The following ATP4A variants were observed in gnomAD, a reference collection of about 807,000 sequenced individuals.
The protein encoded by ATP4A is potassium-transporting ATPase alpha chain 1.
ATP4A carries 73 observed loss-of-function variants against 112.1 expected under a neutral mutation model. The observed-to-expected ratio is 0.65, with a 90% CI of 0.54 to 0.79. ATP4A has a LOEUF of 0.79. Ranked by LOEUF, ATP4A falls within the 30% of genes least tolerant of loss-of-function variation. The pLI, the probability that ATP4A is intolerant of heterozygous loss-of-function variation, is 0.00. For synonymous variants in ATP4A, 588 were observed against 588.9 expected, an observed-to-expected ratio of 1.00 and a Z score of 0.02; for missense variants, 1,081 against 1,425.9, an observed-to-expected ratio of 0.76 and a Z score of 3.90.
Position 35,558,844 on chromosome 19 carries a change from CCCT to C in ATP4A, c.1255+146_1255+148del. 1 of 1,255,330 alleles carries C rather than the reference CCCT, an allele frequency of 8.0e-7. No homozygotes were observed. Among genetic ancestry groups the C allele is most frequent in the Non-Finnish European group, 1.1e-6 (1 of 909,496 alleles). 77.8% of individuals were successfully genotyped at this position (1,255,330 alleles called of 1,614,324 possible). A position where few individuals can be genotyped will look rare whatever the true frequency, so the allele number is the denominator to read the frequency against. ...GGGACCCAGCCCCCGGATGACCCTTCCCTCTAGACCCGGTAGCGAGTCTCCTTT... is the reference window on the plus strand; with the variant it reads ...GGGACCCAGCCCCCGGATGACCCTTCCTAGACCCGGTAGCGAGTCTCCTTT... On this transcript the variant is annotated intron_variant, in intron 8 of 21. Coordinates refer to ENST00000262623, the MANE Select transcript of ATP4A (RefSeq NM_000704.3). The surrounding 1 kb of genome is among the most constrained non-coding windows in gnomAD (Gnocchi z 5.1).
In ATP4A at chr19:35,558,580, G is replaced by A; in HGVS notation, c.1362C>T (p.Pro454=). The A allele has an allele frequency of 6.2e-7, 1 of 1,602,932 alleles. No individual in the cohort carries two copies. The highest frequency in any genetic ancestry group is 2.3e-5 in the East Asian group (1 of 44,428). ...CTGGAGGCCCCCTGGCTCTCACCTT[G>A]GGCACAGGCACTGCATCCTGGCCGG... ...FKSGQDAVPV[P]KRIVIGDASE... The change falls in exon 9 of 22, where the codon CCC becomes CCT. Residue 454 remains proline, a synonymous_variant. Transcript: ENST00000262623. This position sits in a 1 kb window ranked among gnomAD's most constrained non-coding sequence, Gnocchi z 5.1.
Position 35,558,441 on chromosome 19 carries a change from G to C in ATP4A, c.1421C>G (p.Thr474Arg). The C allele has an allele frequency of 6.2e-7, 1 of 1,605,724 alleles. No homozygotes were observed. The highest frequency in any genetic ancestry group is 8.5e-7 in the Non-Finnish European group (1 of 1,176,608). The change falls in exon 10 of 22, where the codon ACG becomes AGG. Residue 474 changes from threonine (T) to arginine (R), a missense_variant. Physicochemically the swap from Thr to Arg is moderately conservative, Grantham distance 71. Coordinates refer to ENST00000262623, the MANE Select transcript of ATP4A (RefSeq NM_000704.3). The surrounding 1 kb of genome is among the most constrained non-coding windows in gnomAD (Gnocchi z 5.1). ...ETALLKFSEL[T>R]LGNAMGYRDR... ...CCGGTAGCCCATGGCGTTGCCCAGCGTCAGCTCCGAGAACTTGAGCAGCGC... is the reference window on the plus strand; with the variant it reads ...CCGGTAGCCCATGGCGTTGCCCAGCCTCAGCTCCGAGAACTTGAGCAGCGC...
rs375301898 is a variant in ATP4A, at chr19:35,554,984, C to T, written c.2419G>A (p.Val807Ile). The T allele has an allele frequency of 9.9e-6, 16 of 1,613,988 alleles. 1 individual carries two copies. The highest frequency in any genetic ancestry group is 1.6e-4 in the Middle Eastern group (1 of 6,084). The stretch of plus-strand genomic sequence containing the variant: ...CACCCGAGGGGCAGGGGCACGCTGA[C>T]GGTGATGTAGATGAGGTAGGGTGTC... ...ELTPYLIYIT[V>I]SVPLPLGCIT... Residue 807 changes from valine to isoleucine, a missense_variant, in exon 16 of 22, where the codon GTC (valine) becomes ATC (isoleucine). Physicochemically the swap from Val to Ile is conservative, Grantham distance 29. Around this residue, in one of 3 missense-constraint regions of ATP4A, gnomAD observed 219 missense variants for 320.9 expected, o/e 0.68. Transcript: ENST00000262623.
At position 35,558,553 on chromosome 19, in the gene ATP4A, C is replaced by A; in HGVS notation, c.1365+24G>T. The A allele has an allele frequency of 6.3e-7, 1 of 1,592,812 alleles. No homozygotes were observed. Among genetic ancestry groups the A allele is most frequent in the Non-Finnish European group, 8.5e-7 (1 of 1,170,480 alleles). On this transcript the variant is annotated intron_variant, in intron 9 of 21. Transcript: ENST00000262623. This position sits in a 1 kb window ranked among gnomAD's most constrained non-coding sequence, Gnocchi z 5.1. ...CCGGCTACACCAGCCTCCCGGGATTCCCTGGAGGCCCCCTGGCTCTCACCT... is the reference window on the plus strand; with the variant it reads ...CCGGCTACACCAGCCTCCCGGGATTACCTGGAGGCCCCCTGGCTCTCACCT...
At position 35,550,856 on chromosome 19, in the gene ATP4A, A is replaced by C. The variant is rs185924462; in HGVS notation, c.3057T>G (p.Leu1019=). The C allele has an allele frequency of 4.3e-6, 7 of 1,614,192 alleles. No individual in the cohort carries two copies. In the Admixed American group the frequency reaches 1.0e-4, roughly 23 times the overall value. The change falls in exon 21 of 22, where the codon CTT becomes CTG. Residue 1019 remains leucine, a synonymous_variant. Coordinates refer to ENST00000262623, the MANE Select transcript of ATP4A (RefSeq NM_000704.3). The surrounding 1 kb of genome is among the most constrained non-coding windows in gnomAD (Gnocchi z 4.1). ...LIFVYDEIRK[L]GVRCCPGSWW... ...CACTCCCTGGGCAACAGCGAACTCC[A>C]AGCTTCCGGATCTCATCATAGACGA... is the stretch of plus-strand genomic sequence containing the variant.
rs371859055 is a variant in ATP4A, at chr19:35,550,665, G to A, written c.3080-22C>T. The A allele has an allele frequency of 1.8e-5, 29 of 1,613,714 alleles. No individual in the cohort carries two copies. In the African/African-American group the frequency reaches 3.3e-4, roughly 19 times the overall value. On this transcript the variant is annotated intron_variant, in intron 21 of 21. Coordinates refer to ENST00000262623, the MANE Select transcript of ATP4A (RefSeq NM_000704.3). The surrounding 1 kb of genome is among the most constrained non-coding windows in gnomAD (Gnocchi z 4.1). ...CAGCCTGGGAGAGAGAGGGAGAAAG[G>A]AGACTCAGTGCTGGGGGTGCCACTT... is the stretch of plus-strand genomic sequence containing the variant.
chr19:35,559,743 G>A lies in ATP4A; in HGVS notation c.1056+62C>T. ...AGGGAGGTGATGGGGGAAATGTGGAGGAAAGAACAGATGGTTGAGCAGGCC... is the reference window on the plus strand; with the variant it reads ...AGGGAGGTGATGGGGGAAATGTGGAAGAAAGAACAGATGGTTGAGCAGGCC... On this transcript the variant is annotated intron_variant, in intron 7 of 21. Transcript: ENST00000262623. The surrounding 1 kb of genome is among the most constrained non-coding windows in gnomAD (Gnocchi z 4.1). The A allele has an allele frequency of 6.3e-7, 1 of 1,579,988 alleles. No homozygotes were observed. The highest frequency in any genetic ancestry group is 8.6e-7 in the Non-Finnish European group (1 of 1,161,686).
At position 35,557,791 on chromosome 19, in the gene ATP4A, C is replaced by T. The variant is rs751628631; in HGVS notation, c.1557G>A (p.Lys519=). The T allele has an allele frequency of 6.3e-7, 1 of 1,578,296 alleles. No individual in the cohort carries two copies. The highest frequency in any genetic ancestry group is 2.3e-5 in the East Asian group (1 of 43,112). ...PRDPRHLLVM[K]GAPERVLERC... ...GCTCCAGCACGCGCTCGGGGGCGCCCTTCATCACCAGCAAGTGTCGCGGGT... is the reference window on the plus strand; with the variant it reads ...GCTCCAGCACGCGCTCGGGGGCGCCTTTCATCACCAGCAAGTGTCGCGGGT... The change falls in exon 11 of 22, where the codon AAG becomes AAA. Residue 519 remains lysine (K), a synonymous_variant. Coordinates refer to ENST00000262623, the MANE Select transcript of ATP4A (RefSeq NM_000704.3). The surrounding 1 kb of genome is among the most constrained non-coding windows in gnomAD (Gnocchi z 4.4).
In ATP4A at chr19:35,560,212, G is replaced by T; in HGVS notation, c.788-139C>A. The T allele has an allele frequency of 2.6e-6, 4 of 1,521,384 alleles. No individual in the cohort carries two copies. The South Asian group carries it at 5.0e-5, about 19-fold the overall frequency. The allele number at this position is 1,521,384 out of a possible 1,614,324, so 94.2% of individuals were successfully genotyped here. ...GGTAGTGACAGTGGGAGACAGAGAA[G>T]CAGTGTGCCCTGGGGAGGTGGCAGT... On this transcript the variant is annotated intron_variant, in intron 6 of 21. Transcript: ENST00000262623. This position sits in a 1 kb window ranked among gnomAD's most constrained non-coding sequence, Gnocchi z 5.1.
At position 35,551,939 on chromosome 19, in the gene ATP4A, G is replaced by A. The variant is rs1347478413; in HGVS notation, c.2752-359C>T. Among the ~76,000 whole-genome samples the A allele has an allele frequency of 6.6e-6, 1 of 152,220 alleles. No individual in the cohort carries two copies. Among genetic ancestry groups the A allele is most frequent in the Non-Finnish European group, 1.5e-5 (1 of 68,032 alleles). On this transcript the variant is annotated intron_variant, in intron 18 of 21. Coordinates refer to ENST00000262623, the MANE Select transcript of ATP4A (RefSeq NM_000704.3). This position sits in a 1 kb window ranked among gnomAD's most constrained non-coding sequence, Gnocchi z 5.2. ...TTTGCAAAGTCCAGTGACTCCAGGGGCCAGGCAGATGGCAAAAATAGGTGA... is the reference window on the plus strand; with the variant it reads ...TTTGCAAAGTCCAGTGACTCCAGGGACCAGGCAGATGGCAAAAATAGGTGA...
rs1053534036 is a variant in ATP4A, at chr19:35,559,783, A to G, written c.1056+22T>C. On this transcript the variant is annotated intron_variant, in intron 7 of 21. Coordinates refer to ENST00000262623, the MANE Select transcript of ATP4A (RefSeq NM_000704.3). This position sits in a 1 kb window ranked among gnomAD's most constrained non-coding sequence, Gnocchi z 4.1. ...TTGAGCAGGCCCCTCAGCTCCCTGC[A>G]TCCCCGCCTGCCCCCACTCACTGTG... is the stretch of plus-strand genomic sequence containing the variant. 3 of 1,610,374 alleles carry G rather than the reference A, an allele frequency of 1.9e-6. No homozygotes were observed. Among genetic ancestry groups the G allele is most frequent in the East Asian group, 2.2e-5 (1 of 44,770 alleles).
At position 35,558,332 on chromosome 19, in the gene ATP4A, C is replaced by T; in HGVS notation, c.1500+30G>A. 1 of 1,591,878 alleles carries T rather than the reference C, an allele frequency of 6.3e-7. No individual in the cohort carries two copies. The highest frequency in any genetic ancestry group is 8.5e-7 in the Non-Finnish European group (1 of 1,169,832). On this transcript the variant is annotated intron_variant, in intron 10 of 21. Coordinates refer to ENST00000262623, the MANE Select transcript of ATP4A (RefSeq NM_000704.3). The surrounding 1 kb of genome is among the most constrained non-coding windows in gnomAD (Gnocchi z 5.1). ...TGGGGCGGGGCCCGAGGTGGGCGGG[C>T]CCAGGCCGTGGGCGGGGCCGGCTGC...
Position 35,555,071 on chromosome 19 carries a change from G to A in ATP4A, c.2332C>T (p.Leu778=). Residue 778 remains leucine, a synonymous_variant, in exon 16 of 22, where the codon CTG becomes TTG. Transcript: ENST00000262623. The surrounding 1 kb of genome is among the most constrained non-coding windows in gnomAD (Gnocchi z 6.6). ...SIVTGVEQGR[L]IFDNLKKSIA... is the part of the protein sequence containing the mutation. ...GACTTCTTCAGGTTGTCGAAGATCA[G>A]TCGACCTGTGGGGTAGGGTGGGCAC... The A allele has an allele frequency of 6.2e-7, 1 of 1,613,478 alleles. No homozygotes were observed. Among genetic ancestry groups the A allele is most frequent in the Non-Finnish European group, 8.5e-7 (1 of 1,179,540 alleles).
chr19:35,550,982 C>T lies in ATP4A; in HGVS notation c.2987+28G>A. 6.2e-7 allele frequency: 1 copy of T among 1,613,080 alleles called. No homozygotes were observed. ...CAGGCCTGTGCCCTACAGCCCCCTC[C>T]CTGTCCTTGCCCCTCACAGCCTCTC... On this transcript the variant is annotated intron_variant, in intron 20 of 21. Coordinates refer to ENST00000262623, the MANE Select transcript of ATP4A (RefSeq NM_000704.3). This position sits in a 1 kb window ranked among gnomAD's most constrained non-coding sequence, Gnocchi z 4.1.
rs1249584918 is a variant in ATP4A at position 35,559,223 on chromosome 19, A to G, written c.1057-32T>C. The G allele has an allele frequency of 1.9e-6, 3 of 1,608,490 alleles. No homozygotes were observed. Among genetic ancestry groups the G allele is most frequent in the Middle Eastern group, 3.3e-4 (2 of 6,048 alleles). ...AAGGGGTGAGCACCGCAGGCTGGGG[A>G]CCCACCCTGGCTTCCAGTCCTCTTC... On this transcript the variant is annotated intron_variant, in intron 7 of 21. Transcript: ENST00000262623. This position sits in a 1 kb window ranked among gnomAD's most constrained non-coding sequence, Gnocchi z 4.1.
rs763139772 is a variant in ATP4A at position 35,562,501 on chromosome 19, G to A, written c.354C>T (p.Ala118=). 1.1e-4 allele frequency: 182 copies of A among 1,613,990 alleles called. 2 individuals carry two copies. The highest frequency in any genetic ancestry group is 1.6e-4 in the Middle Eastern group (1 of 6,084). ...CAAAGGCGATGAGGCAGATGGCGGC[G>A]GCAACCCACATGAGGCACTGCAGGC... The part of the protein sequence containing the change: ...AGGLQCLMWV[A]AAICLIAFAI... The change falls in exon 4 of 22, where the codon GCC becomes GCT. Residue 118 remains alanine (A), a synonymous_variant. Transcript: ENST00000262623.
In ATP4A at chr19:35,550,656, G is replaced by C. The variant is rs2071596065; in HGVS notation, c.3080-13C>G. 6.2e-7 allele frequency: 1 copy of C among 1,613,758 alleles called. No individual in the cohort carries two copies. The highest frequency in any genetic ancestry group is 1.3e-5 in the African/African-American group (1 of 74,908). On this transcript the variant is annotated splice_polypyrimidine_tract_variant and intron_variant, in intron 21 of 21. Transcript: ENST00000262623. This position sits in a 1 kb window ranked among gnomAD's most constrained non-coding sequence, Gnocchi z 4.1. The stretch of plus-strand genomic sequence containing the variant: ...TGGTCCCACCAGCCTGGGAGAGAGA[G>C]GGAGAAAGGAGACTCAGTGCTGGGG...
chr19:35,558,832 C>G lies in ATP4A; in HGVS notation c.1256-146G>C. ...ACCCAACCCTGAGGGACCCAGCCCC[C>G]GGATGACCCTTCCCTCTAGACCCGG... On this transcript the variant is annotated intron_variant, in intron 8 of 21. Coordinates refer to ENST00000262623, the MANE Select transcript of ATP4A (RefSeq NM_000704.3). This position sits in a 1 kb window ranked among gnomAD's most constrained non-coding sequence, Gnocchi z 5.1. 1 of 1,262,776 alleles carries G rather than the reference C, an allele frequency of 7.9e-7. No individual in the cohort carries two copies. Among genetic ancestry groups the G allele is most frequent in the Non-Finnish European group, 1.1e-6 (1 of 922,650 alleles). The allele number at this position is 1,262,776 out of a possible 1,614,324, so 78.2% of individuals were successfully genotyped here. A position where few individuals can be genotyped will look rare whatever the true frequency, so the allele number is the denominator to read the frequency against.
Position 35,563,478 on chromosome 19 carries a change from T to A in ATP4A, c.62A>T (p.Asp21Val), listed in dbSNP as rs376777209. The A allele has an allele frequency of 1.2e-6, 2 of 1,613,806 alleles. No homozygotes were observed. Among genetic ancestry groups the A allele is most frequent in the African/African-American group, 2.7e-5 (2 of 74,822 alleles). ...SVELGPGPGGDMAAKMSKKKK... is the reference protein window; with the variant it reads ...SVELGPGPGGVMAAKMSKKKK... ...CTTCTTGCTCATCTTGGCAGCCATG[T>A]CCCCGCCAGGGCCAGGACCCAGCTC... is the stretch of plus-strand genomic sequence containing the variant. The change falls in exon 2 of 22, where the codon GAC (aspartate) becomes GTC (valine). Residue 21 changes from aspartate (D) to valine (V), a missense_variant. By Grantham distance (152) the Asp-to-Val change is radical. Around this residue, in one of 3 missense-constraint regions of ATP4A, gnomAD observed 850 missense variants for 1,068.2 expected, o/e 0.80. Coordinates refer to ENST00000262623, the MANE Select transcript of ATP4A (RefSeq NM_000704.3).
Sources: allele counts gnomAD v4.1 joint callset (sites outside exome capture counted in the v4.1 genomes callset), GRCh38; gene constraint gnomAD v4.1.1; regional missense constraint gnomAD v4.1.1; non-coding constraint Gnocchi (gnomAD v3.1); transcripts MANE v1.5; gene names NCBI Gene and HGNC (gene_info 2026-07-23, HGNC 2026-07-21).